The following MGRN1 variants were observed in gnomAD, a reference collection of about 807,000 sequenced individuals.
MGRN1 encodes E3 ubiquitin-protein ligase MGRN1.
Under a neutral mutation model 69.2 loss-of-function variants are expected in MGRN1, and 29 were observed. The ratio of observed to expected loss-of-function variants is 0.42; its 90% confidence interval spans 0.31 to 0.57. The LOEUF (loss-of-function observed/expected upper bound fraction) is 0.57. MGRN1 is among the 20% of genes least tolerant of loss of function. The pLI, the probability that MGRN1 is intolerant of heterozygous loss-of-function variation, is 0.15. For missense variants in MGRN1, 998 were observed against 796.2 expected (o/e 1.25, Z -3.05); for synonymous variants, 470 against 344.2 (o/e 1.37, Z -4.04).
chr16:4,643,391 C>T (rs148582828), intron 1 of MGRN1, among the ~76,000 whole-genome samples: 1,663 of 150,160 alleles, frequency 0.011, 36 homozygotes, highest in African/African-American at 0.039. Flanking sequence ...CTACTGTACC[C>T]GGCCTTGCTT....
chr16:4,629,147 CGTATGT>C (rs1469135238), intron 1 of MGRN1, among the ~76,000 whole-genome samples: 29 of 48,652 alleles, frequency 6.0e-4, no homozygotes, highest in Admixed American at 1.7e-3. Flanking sequence ...GCTTTCTGTT[CGTATGT>C]GTGTGTGTGT....
At chr16:4,648,710 C>T (rs2078333552) in intron 1 of MGRN1, among the ~76,000 whole-genome samples, 1 of 119,086 alleles carries the variant, frequency 8.4e-6, no homozygotes, top group African/African-American at 3.6e-5. Flanking sequence ...GGGCTCTTCC[C>T]GTGGTCACCC....
At chr16:4,665,449 A>C (rs1267400513) in intron 7 of MGRN1, among the ~76,000 whole-genome samples, 1 of 147,744 alleles carries the variant, frequency 6.8e-6, no homozygotes, top group Non-Finnish European at 1.5e-5. Flanking sequence ...GCTCACTGCA[A>C]CCTCTGCCTC....
intron 5 of MGRN1, among the ~76,000 whole-genome samples, chr16:4,662,643 G>A (rs889699422): frequency 3.3e-5 from 5 of 152,348 alleles, no homozygotes; most frequent in East Asian, 1.9e-4. Flanking sequence ...ATGCGGTAGC[G>A]TGGTATTGAC....
chr16:4,681,493 G>T, intron 12 of MGRN1, 57 bp from the exon 13 acceptor site: 4 of 1,514,660 alleles, frequency 2.6e-6, no homozygotes, highest in Non-Finnish European at 3.6e-6. Context: ...CAGGAGGAGC[G>T]TCTGGGGAGC....
intron 10 of MGRN1, among the ~76,000 whole-genome samples, chr16:4,676,117 A>G (rs1307831110): frequency 1.3e-5 from 2 of 152,226 alleles, no homozygotes; most frequent in African/African-American, 4.8e-5. Context: ...CAGTCAGGCC[A>G]TGGGGTCACT....
In MGRN1 at chr16:4,673,503, G is replaced by C. The variant is rs374631080; in HGVS notation, c.801G>C (p.Ser267=). 3 of 1,612,370 alleles carry C rather than the reference G, an allele frequency of 1.9e-6. No individual in the cohort carries two copies. Among genetic ancestry groups the C allele is most frequent in the Admixed American group, 1.7e-5 (1 of 59,986 alleles). The change falls in exon 10 of 17, where the codon TCG becomes TCC. Residue 267 remains serine (S), a synonymous_variant. Coordinates refer to ENST00000262370, the MANE Select transcript of MGRN1 (RefSeq NM_015246.4). ...ACAAGCCCTTGTCCCGGCAGCCCTC[G>C]GACGACGAGAACAGCGACAACAGCA... The part of the protein sequence containing the change: ...ENKNNQETKP[S]DDENSDNSNE...
chr16:4,649,139 A>G (rs1482301147), intron 1 of MGRN1: 3 of 152,434 alleles, frequency 2.0e-5, no homozygotes, highest in African/African-American at 7.2e-5. Context: ...GATGGGCGCC[A>G]CCTACAGCCT....
At chr16:4,660,879 G>A (rs2078662556) in intron 5 of MGRN1, among the ~76,000 whole-genome samples, 1 of 152,220 alleles carries the variant, frequency 6.6e-6, no homozygotes, top group Non-Finnish European at 1.5e-5. Context: ...CCCTCACTCT[G>A]GCAAGCCCAG....
At chr16:4,640,745 T>A (rs1034730130) in intron 1 of MGRN1, 56 of 152,256 alleles carry the variant, frequency 3.7e-4, no homozygotes, top group African/African-American at 1.3e-3. Context: ...TTTTTGTGTG[T>A]GAACAGTGCC....
chr16:4,654,258 G>C (rs571775898), intron 4 of MGRN1, among the ~76,000 whole-genome samples: 5 of 152,180 alleles, frequency 3.3e-5, no homozygotes, highest in African/African-American at 1.2e-4. Flanking sequence ...ACAAATATTA[G>C]AACAAAAGAG....
intron 10 of MGRN1, among the ~76,000 whole-genome samples, chr16:4,674,586 T>TTTTTTTCTTTTCTTTTCTTTTTTTTTC (rs1555457311): frequency 7.1e-6 from 1 of 140,046 alleles, no homozygotes; most frequent in African/African-American, 2.6e-5. Flanking sequence ...CGCTTTTTTT[T>TTTTTTTCTTTTCTTTTCTTTTTTTTTC]TTTTCTTTTC....
intron 1 of MGRN1, among the ~76,000 whole-genome samples, chr16:4,627,784 C>G (rs778685748): frequency 7.2e-6 from 1 of 138,230 alleles, no homozygotes; most frequent in Non-Finnish European, 1.5e-5. Flanking sequence ...AGCGAGACTC[C>G]GTCTCAAAAA....
In MGRN1 at chr16:4,690,323, C is replaced by G. The variant is rs559127272; in HGVS notation, c.*1415C>G. 6.6e-6 allele frequency: 1 copy of G among 152,290 alleles called. No individual in the cohort carries two copies. Among genetic ancestry groups the G allele is most frequent in the Non-Finnish European group, 1.5e-5 (1 of 68,044 alleles). The allele number at this position is 152,290 out of a possible 1,614,324, so 9.4% of individuals were successfully genotyped here. Reference sequence around the variant, plus strand: ...CACCCCTGCGGAGCCCTGGGCCAGGCAGGTGTCTGCTGCTCACCTGGCTCT... The same window carrying G: ...CACCCCTGCGGAGCCCTGGGCCAGGGAGGTGTCTGCTGCTCACCTGGCTCT... On this transcript the variant is annotated 3_prime_UTR_variant, in exon 17 of 17. Transcript: ENST00000262370.
chr16:4,665,476 C>G (rs2078782599), intron 7 of MGRN1, among the ~76,000 whole-genome samples: 1 of 150,644 alleles, frequency 6.6e-6, no homozygotes, highest in Admixed American at 6.6e-5. Flanking sequence ...TCAAGCGATT[C>G]TCCCACCTCA....
At chr16:4,651,906 T>G in intron 2 of MGRN1, 57 bp from the exon 3 acceptor site, 3 of 1,518,294 alleles carry the variant, frequency 2.0e-6, no homozygotes, top group Non-Finnish European at 2.7e-6. Flanking sequence ...CTGACCCGTT[T>G]TCTGTTGTTG....
intron 16 of MGRN1, among the ~76,000 whole-genome samples, chr16:4,685,046 C>T (rs1238179460): frequency 2.0e-5 from 3 of 152,262 alleles, no homozygotes; most frequent in Non-Finnish European, 4.4e-5. Context: ...GTCGCAGGTG[C>T]AGGAGCAGGC....
chr16:4,659,285 G>A (rs927052836), intron 5 of MGRN1: 1 of 152,332 alleles, frequency 6.6e-6, no homozygotes, highest in Non-Finnish European at 1.5e-5. Flanking sequence ...CTGCTCTCAC[G>A]TGTGACTGTG....
At chr16:4,682,765 G>A in intron 13 of MGRN1, 58 bp from the exon 14 acceptor site, 2 of 1,460,522 alleles carry the variant, frequency 1.4e-6, no homozygotes. Context: ...GCTTTGGCAG[G>A]GTTAGCCTTC....
Sources: gnomAD v4.1 joint callset for allele counts (sites outside exome capture counted in the v4.1 genomes callset) on GRCh38, gnomAD v4.1.1 for gene constraint, MANE v1.5 for transcripts, NCBI Gene and HGNC (gene_info 2026-07-23, HGNC 2026-07-21) for gene names.